The following SHQ1 variants were observed in gnomAD, a reference collection of about 807,000 sequenced individuals.
SHQ1 encodes SHQ1, H/ACA ribonucleoprotein assembly factor, also known as protein SHQ1 homolog.
A neutral mutation model predicts 53.8 loss-of-function variants in SHQ1; 49 were observed. The ratio of observed to expected loss-of-function variants is 0.91; its 90% confidence interval spans 0.72 to 1.16. The LOEUF is 1.16. Among genes scored for constraint, SHQ1 ranks in the 50% most tolerant of loss-of-function variants. SHQ1 has a pLI of 0.00. For synonymous variants in SHQ1, 243 were observed against 251.0 expected (o/e 0.97, Z 0.30); for missense variants, 738 against 683.1 (o/e 1.08, Z -0.90).
chr3:72,835,463 T>G (rs1026543926), intron 4 of SHQ1, among the ~76,000 whole-genome samples: 17 of 152,194 alleles, frequency 1.1e-4, no homozygotes, highest in Non-Finnish European at 1.6e-4. Flanking sequence ...ATAGCAATTT[T>G]AAAACACAGA....
the SHQ1 span, among the ~76,000 whole-genome samples, chr3:72,739,582 T>C: frequency 6.6e-6 from 1 of 152,210 alleles, no homozygotes; most frequent in African/African-American, 2.4e-5. Flanking sequence ...CCCTTCTGTA[T>C]ACTGGAGACA....
rs1708282481 is a variant in SHQ1 at position 72,844,822 on chromosome 3, TCA to T, written c.144-401_144-400del. 3.9e-5 allele frequency among the ~76,000 whole-genome samples: 6 copies of T among 152,180 alleles called. No individual in the cohort carries two copies. In the South Asian group the frequency reaches 1.0e-3, roughly 26 times the overall value. Reference sequence around the variant, plus strand: ...TCCACACTTGACCTCATGTGATGAGTCACAGTCAAAAAGCAGTCAAAACTTGG... The same window carrying T: ...TCCACACTTGACCTCATGTGATGAGTCAGTCAAAAAGCAGTCAAAACTTGG... On this transcript the variant is annotated intron_variant, in intron 1 of 10. Coordinates refer to ENST00000325599, the MANE Select transcript of SHQ1 (RefSeq NM_018130.3).
intron 10 of SHQ1, among the ~76,000 whole-genome samples, chr3:72,765,555 A>ATTTTTTT (rs1171352955): frequency 2.8e-5 from 2 of 71,766 alleles, no homozygotes; most frequent in African/African-American, 1.3e-4. Context: ...ATATATATAT[A>ATTTTTTT]TATTTTTTTT....
At chr3:72,816,004 T>C (rs574375965) in intron 7 of SHQ1, among the ~76,000 whole-genome samples, 35 of 152,282 alleles carry the variant, frequency 2.3e-4, no homozygotes, top group African/African-American at 8.2e-4. Context: ...AAGAAAACAT[T>C]TTCTCCAATT....
intron 9 of SHQ1, chr3:72,795,724 T>C (rs560613436): frequency 6.6e-6 from 1 of 152,352 alleles, no homozygotes; most frequent in African/African-American, 2.4e-5. Flanking sequence ...CTCTTGTAAC[T>C]TGAATAAGCT....
At chr3:72,804,617 C>G (rs553144696) in intron 9 of SHQ1, among the ~76,000 whole-genome samples, 2 of 152,180 alleles carry the variant, frequency 1.3e-5, no homozygotes, top group Non-Finnish European at 2.9e-5. Context: ...CTCCCTTGCA[C>G]GGAGAATAGA....
At chr3:72,781,194 G>A (rs761476423) in intron 10 of SHQ1, among the ~76,000 whole-genome samples, 14 of 151,776 alleles carry the variant, frequency 9.2e-5, no homozygotes, top group African/African-American at 2.7e-4. Flanking sequence ...CAAGTAGCTG[G>A]GATTACAGGC....
At chr3:72,803,359 T>C (rs1706849984) in intron 9 of SHQ1, among the ~76,000 whole-genome samples, 1 of 152,190 alleles carries the variant, frequency 6.6e-6, no homozygotes, top group Non-Finnish European at 1.5e-5. Context: ...TAGTCTCTAT[T>C]TCCTTAAACC....
chr3:72,810,701 T>A (rs962476881), intron 9 of SHQ1, among the ~76,000 whole-genome samples: 3 of 152,186 alleles, frequency 2.0e-5, no homozygotes, highest in Non-Finnish European at 4.4e-5. Flanking sequence ...CAAATGAGCC[T>A]CTTCAGCGGC....
At chr3:72,813,246 C>A (rs1707180615) in intron 8 of SHQ1, among the ~76,000 whole-genome samples, 1 of 151,244 alleles carries the variant, frequency 6.6e-6, no homozygotes, top group Admixed American at 6.6e-5. Context: ...GCGGGTGGAT[C>A]ACCTGAGGTC....
chr3:72,814,860 G>GATA (rs1707259429), intron 8 of SHQ1, among the ~76,000 whole-genome samples: 1 of 152,086 alleles, frequency 6.6e-6, no homozygotes, highest in Non-Finnish European at 1.5e-5. Context: ...TAAGCTATAT[G>GATA]ATCTAAGGAT....
intron 6 of SHQ1, 27 bp from the exon 7 acceptor site, chr3:72,817,411 G>C: frequency 6.3e-7 from 1 of 1,582,690 alleles, no homozygotes. Context: ...TTAAAAACTA[G>C]ATGTTTCATT....
At chr3:72,757,827 G>A (rs1001223161) in intron 10 of SHQ1, among the ~76,000 whole-genome samples, 78 of 152,160 alleles carry the variant, frequency 5.1e-4, no homozygotes, top group African/African-American at 1.9e-3. Context: ...CTATCAGAGG[G>A]TGGAGGATAG....
At chr3:72,732,384 GCCTGCCTT>G in the SHQ1 span, among the ~76,000 whole-genome samples, 1,037 of 87,070 alleles carry the variant, frequency 0.012, 33 homozygotes, top group African/African-American at 0.049. Flanking sequence ...CTGCCTGCCT[GCCTGCCTT>G]CCTTCCTTCC....
chr3:72,815,520 G>C lies in SHQ1; in HGVS notation c.883-117C>G, dbSNP rs115232267. 260 of 764,032 alleles carry C rather than the reference G, an allele frequency of 3.4e-4. No homozygotes were observed. The African/African-American group carries it at 4.1e-3, about 12-fold the overall frequency. The allele number at this position is 764,032 out of a possible 1,614,324, so 47.3% of individuals were successfully genotyped here. Reference sequence around the variant, plus strand: ...AGGATCACTGACATATGAGAACTAAGAAGTGTTCACGACTATAGAAAAATA... The same window carrying C: ...AGGATCACTGACATATGAGAACTAACAAGTGTTCACGACTATAGAAAAATA... On this transcript the variant is annotated intron_variant, in intron 7 of 10. Coordinates refer to ENST00000325599, the MANE Select transcript of SHQ1 (RefSeq NM_018130.3).
chr3:72,842,250 C>T (rs2106962037), intron 3 of SHQ1, 30 bp downstream of exon 3: 1 of 1,606,210 alleles, frequency 6.2e-7, no homozygotes, highest in Non-Finnish European at 8.5e-7. Flanking sequence ...TCTATTTATC[C>T]TAATTTCCTC....
intron 10 of SHQ1, among the ~76,000 whole-genome samples, chr3:72,781,065 CTTT>C (rs527930281): frequency 1.5e-5 from 2 of 131,160 alleles, no homozygotes; most frequent in Admixed American, 7.6e-5. Context: ...TTTTTTTTTT[CTTT>C]TTTTTTTTTT....
intron 10 of SHQ1, among the ~76,000 whole-genome samples, chr3:72,768,865 C>A (rs987306693): frequency 6.6e-6 from 1 of 152,194 alleles, no homozygotes; most frequent in Non-Finnish European, 1.5e-5. Flanking sequence ...CATTCTAGAA[C>A]CCCGCTGCAG....
At chr3:72,793,144 AT>A in intron 9 of SHQ1, 108 bp from the exon 10 acceptor site, 1 of 1,038,726 alleles carries the variant, frequency 9.6e-7, no homozygotes, top group Non-Finnish European at 1.4e-6. Flanking sequence ...TCTTAAGAAC[AT>A]TTTTAAATGC....
Sources: gnomAD v4.1 joint callset for allele counts (sites outside exome capture counted in the v4.1 genomes callset) on GRCh38, gnomAD v4.1.1 for gene constraint, MANE v1.5 for transcripts, NCBI Gene and HGNC (gene_info 2026-07-23, HGNC 2026-07-21) for gene names.